Variants in ADD3 observed in about 807,000 individuals in gnomAD.
The protein encoded by ADD3 is adducin 3.
A neutral mutation model predicts 80.2 loss-of-function variants in ADD3; 25 were observed. The observed-to-expected ratio is 0.31, with a 90% CI of 0.23 to 0.44. The LOEUF (loss-of-function observed/expected upper bound fraction) is 0.44. Among genes scored for constraint, ADD3 ranks in the 20% least tolerant of loss-of-function variants. The probability of loss-of-function intolerance (pLI) is 1.00; values close to 1 mark genes in which losing one functional copy is unlikely to be tolerated. For synonymous variants in ADD3, 284 were observed against 289.6 expected (o/e 0.98, Z 0.20); for missense variants, 829 against 847.5 (o/e 0.98, Z 0.27).
chr10:110,050,147 A>G (rs1046659923), intron 1 of ADD3, among the ~76,000 whole-genome samples: 1 of 152,016 alleles, frequency 6.6e-6, no homozygotes, highest in Non-Finnish European at 1.5e-5. Flanking sequence ...ACTTTGGGGG[A>G]CTGTTGGAAA....
Position 110,135,299 on chromosome 10 carries a change from G to A in ADD3, c.*1681G>A, listed in dbSNP as rs1853518697. On this transcript the variant is annotated 3_prime_UTR_variant, in exon 15 of 15. Transcript: ENST00000356080. ...TCATTTATGTTGTATTACAATGTATGTAGAAATAGTAACCTGTGAACTATG... is the reference window on the plus strand; with the variant it reads ...TCATTTATGTTGTATTACAATGTATATAGAAATAGTAACCTGTGAACTATG... The A allele has an allele frequency of 6.6e-6, 1 of 152,598 alleles. No individual in the cohort carries two copies. Among genetic ancestry groups the A allele is most frequent in the Non-Finnish European group, 1.5e-5 (1 of 68,040 alleles). 9.5% of individuals were successfully genotyped at this position (152,598 alleles called of 1,614,324 possible). A position where few individuals can be genotyped will look rare whatever the true frequency, so the allele number is the denominator to read the frequency against.
chr10:110,033,024 G>A (rs1266582982), intron 1 of ADD3, among the ~76,000 whole-genome samples: 3 of 152,184 alleles, frequency 2.0e-5, no homozygotes, highest in Non-Finnish European at 2.9e-5. Context: ...TGAGGGGAAT[G>A]TGGACCTAAT....
chr10:110,046,506 C>G (rs756986008), intron 1 of ADD3, among the ~76,000 whole-genome samples: 1 of 150,518 alleles, frequency 6.6e-6, no homozygotes, highest in African/African-American at 2.5e-5. Flanking sequence ...ATTCTGGAGA[C>G]GGGGAGGATC....
At chr10:110,101,494 G>A (rs2133958237) in intron 2 of ADD3, among the ~76,000 whole-genome samples, 1 of 152,034 alleles carries the variant, frequency 6.6e-6, no homozygotes, top group East Asian at 1.9e-4. Context: ...AATTAACTGG[G>A]TGTGGTGGTG....
At chr10:110,044,589 A>C (rs1464069898) in intron 1 of ADD3, among the ~76,000 whole-genome samples, 1 of 152,226 alleles carries the variant, frequency 6.6e-6, no homozygotes, top group Non-Finnish European at 1.5e-5. Context: ...GATAAGTAAC[A>C]CCAATGAAAT....
chr10:110,007,386 G>A (rs559694518), upstream of ADD3, among the ~76,000 whole-genome samples: 938 of 152,312 alleles, frequency 6.2e-3, 6 homozygotes, highest in African/African-American at 0.022. Context: ...GGGGCGTGCG[G>A]AGGTTGAACC....
At position 110,062,950 on chromosome 10, in the gene ADD3, T is replaced by C. The variant is rs867924994; in HGVS notation, c.-29-37675T>C. 7.9e-5 allele frequency among the ~76,000 whole-genome samples: 12 copies of C among 152,328 alleles called. No individual in the cohort carries two copies. In the South Asian group the frequency reaches 2.3e-3, roughly 29 times the overall value. On this transcript the variant is annotated intron_variant, in intron 1 of 14. Transcript: ENST00000356080. ...GAAATGTGTTAGTCTTGAACAGATA[T>C]TTCGGGATCTGTTCTGATTATCTCT...
chr10:110,110,759 C>CTG (rs1849910265), intron 2 of ADD3, among the ~76,000 whole-genome samples: 2 of 151,842 alleles, frequency 1.3e-5, no homozygotes, highest in Non-Finnish European at 2.9e-5. Context: ...CCACTTTGGG[C>CTG]TGAGACAGGT....
intron 12 of ADD3, among the ~76,000 whole-genome samples, chr10:110,130,085 C>T (rs1852754372): frequency 6.6e-6 from 1 of 151,962 alleles, no homozygotes; most frequent in Non-Finnish European, 1.5e-5. Flanking sequence ...CTTATTAGAA[C>T]TTGGCATAAT....
chr10:110,043,194 G>A (rs1001154497), intron 1 of ADD3, among the ~76,000 whole-genome samples: 2 of 152,160 alleles, frequency 1.3e-5, no homozygotes, highest in African/African-American at 4.8e-5. Context: ...TCATTTGAAC[G>A]GCTTGGCCTT....
chr10:110,126,480 A>G lies in ADD3; in HGVS notation c.1585A>G (p.Ile529Val). The G allele has an allele frequency of 6.2e-7, 1 of 1,613,436 alleles. No individual in the cohort carries two copies. The highest frequency in any genetic ancestry group is 8.5e-7 in the Non-Finnish European group (1 of 1,179,750). ...ACCACAATCTCAGTTGCTTGCTGGA[A>G]TTGTTGTGGATAAGCCACCTTCTGT... ...AGPQSQLLAG[I>V]VVDKPPSTMQ... Residue 529 changes from isoleucine to valine, a missense_variant, in exon 12 of 15, where the codon ATT (isoleucine) becomes GTT (valine). Coordinates refer to ENST00000356080, the MANE Select transcript of ADD3 (RefSeq NM_016824.5).
At chr10:110,010,407 A>C (rs1214271239) in intron 1 of ADD3, among the ~76,000 whole-genome samples, 1 of 152,172 alleles carries the variant, frequency 6.6e-6, no homozygotes. Context: ...AAAAGCATAG[A>C]AACCTGGCTC....
chr10:110,057,373 C>T (rs1279845484), intron 1 of ADD3, among the ~76,000 whole-genome samples: 2 of 152,150 alleles, frequency 1.3e-5, no homozygotes, highest in Non-Finnish European at 2.9e-5. Flanking sequence ...AAGTTGAGAA[C>T]TAATGCTTTC....
chr10:110,079,459 A>T (rs9421077), intron 1 of ADD3, among the ~76,000 whole-genome samples: 16,090 of 110,206 alleles, frequency 0.15, 1,115 homozygotes, highest in Admixed American at 0.29. Context: ...AGAGAGAGAG[A>T]GAGTGTGTGT....
chr10:110,050,528 C>CCT (rs1242611467), intron 1 of ADD3, among the ~76,000 whole-genome samples: 3 of 110,058 alleles, frequency 2.7e-5, no homozygotes, highest in Non-Finnish European at 3.8e-5. Context: ...TTTTTTTTTT[C>CCT]CTGAAGCGGA....
chr10:110,080,251 ACCT>A (rs1318633307), intron 1 of ADD3, among the ~76,000 whole-genome samples: 6 of 152,106 alleles, frequency 3.9e-5, no homozygotes, highest in Non-Finnish European at 8.8e-5. Context: ...GGGTCACCTG[ACCT>A]CCTTGAATCC....
intron 2 of ADD3, among the ~76,000 whole-genome samples, chr10:110,111,784 A>C (rs2134044229): frequency 6.6e-6 from 1 of 152,134 alleles, no homozygotes; most frequent in Non-Finnish European, 1.5e-5. Flanking sequence ...GTGGTGGCGC[A>C]TGCCTGTAAT....
At chr10:110,126,324 ATGTCAAG>A (rs1284194403) in intron 11 of ADD3, 86 bp from the exon 12 acceptor site, 3 of 931,678 alleles carry the variant, frequency 3.2e-6, no homozygotes, top group Non-Finnish European at 5.1e-6. Flanking sequence ...CACTCTGGAA[ATGTCAAG>A]TAGTAAGCTT....
chr10:110,042,050 C>A (rs191687698), intron 1 of ADD3, among the ~76,000 whole-genome samples: 1 of 152,258 alleles, frequency 6.6e-6, no homozygotes, highest in Non-Finnish European at 1.5e-5. Context: ...AAATCCCCTT[C>A]TGGAAGATTT....
Sources: allele counts gnomAD v4.1 joint callset (sites outside exome capture counted in the v4.1 genomes callset), GRCh38; gene constraint gnomAD v4.1.1; transcripts MANE v1.5; gene names NCBI Gene and HGNC (gene_info 2026-07-23, HGNC 2026-07-21).